Variants in CAMTA1 observed in about 807,000 individuals in gnomAD.
The protein encoded by CAMTA1 is calmodulin-binding transcription activator 1.
A neutral mutation model predicts 170.9 loss-of-function variants in CAMTA1; 27 were observed. The ratio of observed to expected loss-of-function variants is 0.16; its 90% CI spans 0.12 to 0.22. The LOEUF (loss-of-function observed/expected upper bound fraction) is 0.22. Ranked by LOEUF, CAMTA1 falls within the 10% of genes least tolerant of loss-of-function variation. CAMTA1 has a pLI of 1.00. For synonymous variants in CAMTA1, 833 were observed against 891.5 expected, an observed-to-expected ratio of 0.93 and a Z score of 1.17; for missense variants, 1,619 against 2,217.2, an observed-to-expected ratio of 0.73 and a Z score of 5.42.
At chr1:6,839,607 AAGT>A (rs1553161354) in intron 3 of CAMTA1, among the ~76,000 whole-genome samples, 1 of 152,106 alleles carries the variant, frequency 6.6e-6, no homozygotes, top group Non-Finnish European at 1.5e-5. Flanking sequence ...GCTAAGAACA[AAGT>A]AGAGCAGGGT....
At chr1:7,670,305 C>T (rs1253210284) in intron 9 of CAMTA1, among the ~76,000 whole-genome samples, 4 of 152,202 alleles carry the variant, frequency 2.6e-5, no homozygotes, top group Admixed American at 2.0e-4. Flanking sequence ...AGTCTCTGAG[C>T]GTCTCCTTCA....
intron 3 of CAMTA1, among the ~76,000 whole-genome samples, chr1:7,074,420 TAG>T (rs1639035410): frequency 6.6e-6 from 1 of 152,186 alleles, no homozygotes; most frequent in Non-Finnish European, 1.5e-5. Flanking sequence ...AATAGGAAAA[TAG>T]AAGAAAATAT....
intron 7 of CAMTA1, among the ~76,000 whole-genome samples, chr1:7,647,100 C>G (rs1023696810): frequency 2.0e-5 from 3 of 152,202 alleles, no homozygotes; most frequent in Non-Finnish European, 2.9e-5. Flanking sequence ...CCAGCACCTG[C>G]TCTCCAGGGA....
chr1:6,846,888 T>TA (rs1274738635), intron 3 of CAMTA1, among the ~76,000 whole-genome samples: 2 of 152,000 alleles, frequency 1.3e-5, no homozygotes, highest in Non-Finnish European at 2.9e-5. Context: ...AAGACAGACA[T>TA]AAAAAATGAT....
intron 3 of CAMTA1, among the ~76,000 whole-genome samples, chr1:7,056,441 C>T (rs1386304247): frequency 1.3e-5 from 2 of 152,102 alleles, no homozygotes; most frequent in East Asian, 1.9e-4. Flanking sequence ...ACCTGAGAGG[C>T]GTTTTGGAGT....
intron 7 of CAMTA1, among the ~76,000 whole-genome samples, chr1:7,649,500 C>A (rs1441164985): frequency 6.6e-6 from 1 of 152,214 alleles, no homozygotes; most frequent in East Asian, 1.9e-4. Flanking sequence ...TGCCAGAATG[C>A]CTGCAGCCCC....
Position 7,738,879 on chromosome 1 carries a change from T to A in CAMTA1, c.4182+397T>A, listed in dbSNP as rs1362832782. Among the ~76,000 whole-genome samples, 2 of 152,216 alleles carry A rather than the reference T, an allele frequency of 1.3e-5. No homozygotes were observed. Among genetic ancestry groups the A allele is most frequent in the Admixed American group, 1.3e-4 (2 of 15,286 alleles). The stretch of plus-strand genomic sequence containing the variant: ...CTAGAACAGGAAGCCCGTGGATAGA[T>A]TTTGAATTATCTGAGTGACCTTGAT... On this transcript the variant is annotated intron_variant, in intron 16 of 22. Coordinates refer to ENST00000303635, the MANE Select transcript of CAMTA1 (RefSeq NM_015215.4). The surrounding 1 kb of genome is among the most constrained non-coding windows in gnomAD (Gnocchi z 4.9).
At chr1:7,515,688 C>T (rs911505207) in intron 6 of CAMTA1, among the ~76,000 whole-genome samples, 1 of 152,196 alleles carries the variant, frequency 6.6e-6, no homozygotes, top group Non-Finnish European at 1.5e-5. Context: ...CAGGCTCCAC[C>T]AGGCTCCCAA....
chr1:7,018,596 A>G lies in CAMTA1; in HGVS notation c.235-72708A>G, dbSNP rs137913270. 5.0e-3 allele frequency among the ~76,000 whole-genome samples: 764 copies of G among 152,236 alleles called. 6 individuals are homozygous for G. Among genetic ancestry groups the G allele is most frequent in the African/African-American group, 0.018 (731 of 41,520 alleles). On this transcript the variant is annotated intron_variant, in intron 3 of 22. Coordinates refer to ENST00000303635, the MANE Select transcript of CAMTA1 (RefSeq NM_015215.4). ...ACACTGCCAATTATACTAGACTAGC[A>G]ACAAGGAGCTTGGAGAGAAGGGCTG...
intron 5 of CAMTA1, among the ~76,000 whole-genome samples, chr1:7,324,358 A>G (rs955896355): frequency 4.6e-5 from 7 of 151,538 alleles, no homozygotes; most frequent in Admixed American, 1.3e-4. Flanking sequence ...TTGTGTTTTC[A>G]CTATTCCAGG....
At chr1:7,423,390 A>T (rs539593246) in intron 5 of CAMTA1, among the ~76,000 whole-genome samples, 2 of 151,498 alleles carry the variant, frequency 1.3e-5, no homozygotes, top group Non-Finnish European at 2.9e-5. Flanking sequence ...GAATCGCTTG[A>T]ACCCGGAGGC....
rs1173580426 is a variant in CAMTA1 at position 7,738,535 on chromosome 1, G to A, written c.4182+53G>A. ...CAGAGGCTGGTGCGTTCCAGTTGCTGTGATCTTTATGGTCCATTTCCGAAG... is the reference window on the plus strand; with the variant it reads ...CAGAGGCTGGTGCGTTCCAGTTGCTATGATCTTTATGGTCCATTTCCGAAG... On this transcript the variant is annotated intron_variant, in intron 16 of 22. Transcript: ENST00000303635. The surrounding 1 kb of genome is among the most constrained non-coding windows in gnomAD (Gnocchi z 4.9). 12 of 1,562,890 alleles carry A rather than the reference G, an allele frequency of 7.7e-6. No individual in the cohort carries two copies. Among genetic ancestry groups the A allele is most frequent in the African/African-American group, 1.4e-5 (1 of 73,622 alleles).
At chr1:7,392,447 G>T (rs1293295310) in intron 5 of CAMTA1, among the ~76,000 whole-genome samples, 1 of 150,022 alleles carries the variant, frequency 6.7e-6, no homozygotes, top group Non-Finnish European at 1.5e-5. Flanking sequence ...TAGAGTCCGG[G>T]TTTCTCCATG....
intron 16 of CAMTA1, among the ~76,000 whole-genome samples, chr1:7,743,815 T>C (rs1217024904): frequency 1.3e-4 from 20 of 151,816 alleles, no homozygotes. Flanking sequence ...TTGAGGATTC[T>C]TTTTTTCTTT....
chr1:7,590,017 C>T (rs1262113982), intron 6 of CAMTA1, among the ~76,000 whole-genome samples: 1 of 152,162 alleles, frequency 6.6e-6, no homozygotes, highest in South Asian at 2.1e-4. Flanking sequence ...TTGGTACGAT[C>T]GCATGGAGCT....
At chr1:7,121,371 T>C (rs1428604838) in intron 4 of CAMTA1, among the ~76,000 whole-genome samples, 1 of 152,178 alleles carries the variant, frequency 6.6e-6, no homozygotes, top group Non-Finnish European at 1.5e-5. Flanking sequence ...ACACAATGGG[T>C]GGATAAGATG....
intron 4 of CAMTA1, among the ~76,000 whole-genome samples, chr1:7,129,919 TTGTGTGTGTGTG>T (rs3058550): frequency 6.8e-6 from 1 of 147,038 alleles, no homozygotes; most frequent in African/African-American, 2.5e-5. Context: ...CTACCTTCTT[TTGTGTGTGTGTG>T]TGTGTGTGTG....
intron 4 of CAMTA1, among the ~76,000 whole-genome samples, chr1:7,147,611 TACATC>T (rs1646287634): frequency 6.7e-6 from 1 of 149,150 alleles, no homozygotes; most frequent in Admixed American, 6.7e-5. Context: ...CACACACTCA[TACATC>T]ACACACACAC....
intron 11 of CAMTA1, among the ~76,000 whole-genome samples, chr1:7,730,939 T>A (rs1400124304): frequency 6.6e-6 from 1 of 150,892 alleles, no homozygotes; most frequent in Non-Finnish European, 1.5e-5. Context: ...TATATATATA[T>A]ATATATATTT....
Sources: allele counts gnomAD v4.1 joint callset (sites outside exome capture counted in the v4.1 genomes callset), GRCh38; gene constraint gnomAD v4.1.1; non-coding constraint Gnocchi (gnomAD v3.1); transcripts MANE v1.5; gene names NCBI Gene and HGNC (gene_info 2026-07-23, HGNC 2026-07-21).